The following CRPPA variants were observed in gnomAD, a reference collection of about 807,000 sequenced individuals.
CRPPA encodes CDP-L-ribitol pyrophosphorylase A, also known as D-ribitol-5-phosphate cytidylyltransferase.
In CRPPA, 43 loss-of-function variants were observed where a neutral mutation model predicts 52.0. The observed-to-expected ratio is 0.83, with a 90% confidence interval of 0.65 to 1.07. The LOEUF (loss-of-function observed/expected upper bound fraction) is 1.07. CRPPA is among the 50% of genes least tolerant of loss of function. The pLI is 0.00. For missense variants in CRPPA, 629 were observed against 551.7 expected (o/e 1.14, Z -1.40); for synonymous variants, 250 against 203.5 (o/e 1.23, Z -1.94).
rs1344095829 is a variant in CRPPA, at chr7:16,088,449, GCT to G, written c.*3244_*3245del. ...TTTTTTTTTTTTGAGACGGAGTCTTGCTCTGTTGCCCAGGCTGGAGTGCAGTG... is the reference window on the plus strand; with the variant it reads ...TTTTTTTTTTTTGAGACGGAGTCTTGCTGTTGCCCAGGCTGGAGTGCAGTG... On this transcript the variant is annotated 3_prime_UTR_variant, in exon 10 of 10. Coordinates refer to ENST00000407010, the MANE Select transcript of CRPPA (RefSeq NM_001101426.4). 8.4e-6 allele frequency: 1 copy of G among 118,860 alleles called. No individual in the cohort carries two copies. Among genetic ancestry groups the G allele is most frequent in the African/African-American group, 3.4e-5 (1 of 29,816 alleles). 7.4% of individuals were successfully genotyped at this position (118,860 alleles called of 1,614,324 possible).
chr7:16,253,097 T>C (rs2128410419), intron 8 of CRPPA, among the ~76,000 whole-genome samples: 1 of 152,320 alleles, frequency 6.6e-6, no homozygotes, highest in South Asian at 2.1e-4. Context: ...TTTGTGTCTC[T>C]ATCTCCTTCA....
In CRPPA at chr7:16,377,348, G is replaced by C. The variant is rs148506011; in HGVS notation, c.535-1107C>G. 2.0e-5 allele frequency among the ~76,000 whole-genome samples: 3 copies of C among 152,322 alleles called. No individual in the cohort carries two copies. The East Asian group carries it at 5.8e-4, about 29-fold the overall frequency. ...AACTGGTCAAGCCCAGTACCTATCA[G>C]TAGAGCTAGAAGATAAGACAGGAAG... On this transcript the variant is annotated intron_variant, in intron 2 of 9. Transcript: ENST00000407010.
intron 1 of CRPPA, among the ~76,000 whole-genome samples, chr7:16,411,745 C>T (rs4530922): frequency 0.2 from 30,300 of 151,884 alleles, 4,696 homozygotes; most frequent in African/African-American, 0.43. Flanking sequence ...ATATATACTT[C>T]AGCTGTTTAT....
At chr7:16,165,488 T>A (rs981568331) in intron 9 of CRPPA, among the ~76,000 whole-genome samples, 3 of 152,184 alleles carry the variant, frequency 2.0e-5, no homozygotes, top group African/African-American at 7.2e-5. Flanking sequence ...ACTAGGTCAA[T>A]AACAGACACA....
At chr7:16,371,896 C>G (rs373150354) in intron 3 of CRPPA, among the ~76,000 whole-genome samples, 4 of 152,020 alleles carry the variant, frequency 2.6e-5, no homozygotes, top group South Asian at 4.1e-4. Context: ...AGGAAAGACA[C>G]ACCTAGGGAA....
intron 9 of CRPPA, among the ~76,000 whole-genome samples, chr7:16,133,826 G>T (rs1372201244): frequency 8.0e-6 from 1 of 124,980 alleles, no homozygotes; most frequent in African/African-American, 2.6e-5. Flanking sequence ...CATTTCAGAG[G>T]ATTCATCTTG....
At chr7:16,291,097 A>C (rs1784554858) in intron 5 of CRPPA, among the ~76,000 whole-genome samples, 1 of 152,046 alleles carries the variant, frequency 6.6e-6, no homozygotes, top group Non-Finnish European at 1.5e-5. Context: ...CACCCCAGTT[A>C]CAGGGCTATT....
chr7:16,382,745 T>A (rs1428488851), intron 2 of CRPPA, among the ~76,000 whole-genome samples: 1 of 152,076 alleles, frequency 6.6e-6, no homozygotes, highest in African/African-American at 2.4e-5. Flanking sequence ...ATTCATTTCA[T>A]CTTCCATCGC....
Position 16,087,756 on chromosome 7 carries a change from A to G in CRPPA, c.*3939T>C, listed in dbSNP as rs946247901. On this transcript the variant is annotated 3_prime_UTR_variant, in exon 10 of 10. Transcript: ENST00000407010. ...TACTAACAAATCCTATATCAATTAA[A>G]ATGCTTCATTATTCTGTTTTCAAAT... 2.0e-5 allele frequency: 3 copies of G among 152,170 alleles called. No homozygotes were observed. Among genetic ancestry groups the G allele is most frequent in the African/African-American group, 7.2e-5 (3 of 41,450 alleles). 9.4% of individuals were successfully genotyped at this position (152,170 alleles called of 1,614,324 possible).
chr7:16,397,110 C>A (rs550458822), intron 2 of CRPPA, among the ~76,000 whole-genome samples: 1 of 152,222 alleles, frequency 6.6e-6, no homozygotes, highest in Non-Finnish European at 1.5e-5. Context: ...AAATAAGACA[C>A]GTGGACACAC....
chr7:16,112,215 T>C (rs866162741), intron 9 of CRPPA, among the ~76,000 whole-genome samples: 20 of 152,046 alleles, frequency 1.3e-4, no homozygotes, highest in African/African-American at 4.8e-4. Context: ...ATCAGGAGGC[T>C]GAGGTAGAAG....
At chr7:16,292,134 T>C (rs970258424) in intron 5 of CRPPA, among the ~76,000 whole-genome samples, 2 of 151,978 alleles carry the variant, frequency 1.3e-5, no homozygotes, top group Non-Finnish European at 2.9e-5. Context: ...TGCATAGTTA[T>C]ATTAATCAAT....
chr7:16,393,023 T>G (rs1382607879), intron 2 of CRPPA, among the ~76,000 whole-genome samples: 1 of 152,148 alleles, frequency 6.6e-6, no homozygotes, highest in Non-Finnish European at 1.5e-5. Flanking sequence ...AAGATAGATC[T>G]TGTCAAGGAT....
intron 3 of CRPPA, among the ~76,000 whole-genome samples, chr7:16,313,114 T>G (rs1022719446): frequency 1.3e-5 from 2 of 151,972 alleles, no homozygotes; most frequent in African/African-American, 4.8e-5. Flanking sequence ...TTCCCTTTGC[T>G]TCTATCTTCT....
At chr7:16,294,528 C>A (rs1162013234) in intron 5 of CRPPA, among the ~76,000 whole-genome samples, 2 of 151,874 alleles carry the variant, frequency 1.3e-5, no homozygotes, top group Non-Finnish European at 2.9e-5. Context: ...CCTGTTGCTG[C>A]CTTCCTGCTT....
chr7:16,199,062 T>C (rs1468435231), intron 9 of CRPPA, among the ~76,000 whole-genome samples: 1 of 152,138 alleles, frequency 6.6e-6, no homozygotes, highest in African/African-American at 2.4e-5. Context: ...TGACCAACCC[T>C]TTGTAATTTT....
At chr7:16,320,582 A>G (rs898156399) in intron 3 of CRPPA, among the ~76,000 whole-genome samples, 2 of 152,142 alleles carry the variant, frequency 1.3e-5, no homozygotes, top group African/African-American at 2.4e-5. Context: ...AGTTTGCCCA[A>G]CCAAGAACAA....
At chr7:16,228,773 C>T (rs1405477587) in intron 8 of CRPPA, among the ~76,000 whole-genome samples, 2 of 151,902 alleles carry the variant, frequency 1.3e-5, no homozygotes, top group Non-Finnish European at 2.9e-5. Context: ...CTCAGCTGTT[C>T]AACTCTTGGA....
intron 3 of CRPPA, among the ~76,000 whole-genome samples, chr7:16,342,782 A>AAAAAAAAAAAATAT (rs1554335212): frequency 2.6e-5 from 2 of 76,514 alleles, no homozygotes; most frequent in African/African-American, 9.7e-5. Context: ...AAAAAAAAAA[A>AAAAAAAAAAAATAT]ATATATATAT....
Sources: gnomAD v4.1 joint callset for allele counts (sites outside exome capture counted in the v4.1 genomes callset) on GRCh38, gnomAD v4.1.1 for gene constraint, MANE v1.5 for transcripts, NCBI Gene and HGNC (gene_info 2026-07-23, HGNC 2026-07-21) for gene names.